NR1H3: variants seen among roughly 807,000 people sequenced by gnomAD.
NR1H3 encodes nuclear receptor subfamily 1 group H member 3, also known as oxysterols receptor LXR-alpha.
NR1H3 carries 19 observed loss-of-function variants against 48.1 expected under a neutral mutation model. The observed-to-expected ratio is 0.40, with a 90% CI of 0.28 to 0.58. The LOEUF (loss-of-function observed/expected upper bound fraction) is 0.58. Among genes scored for constraint, NR1H3 ranks in the 20% least tolerant of loss-of-function variants. The pLI is 0.50. For synonymous variants in NR1H3, 232 were observed against 227.3 expected (o/e 1.02, Z -0.19); for missense variants, 486 against 595.9 (o/e 0.82, Z 1.92).
At chr11:47,251,335 C>T (rs1954637018) in intron 1 of NR1H3, among the ~76,000 whole-genome samples, 1 of 151,580 alleles carries the variant, frequency 6.6e-6, no homozygotes, top group South Asian at 2.1e-4. Flanking sequence ...GGGACCTAGG[C>T]CGGACATGGC....
chr11:47,251,618 AAAAAT>A (rs768146630), intron 1 of NR1H3, among the ~76,000 whole-genome samples: 49 of 152,276 alleles, frequency 3.2e-4, no homozygotes, highest in Admixed American at 1.3e-3. Flanking sequence ...TCTCAAAAAA[AAAAAT>A]AAAATAAAGA....
chr11:47,248,778 C>T, upstream of NR1H3: 1 of 1,596,462 alleles, frequency 6.3e-7, no homozygotes, highest in Non-Finnish European at 8.5e-7. Context: ...AGCCGGACCG[C>T]TTGCCCGCCA....
upstream of NR1H3, among the ~76,000 whole-genome samples, chr11:47,255,549 CTTTCTT>C (rs1445162105): frequency 1.6e-4 from 9 of 54,918 alleles, no homozygotes; most frequent in East Asian, 5.7e-3. Flanking sequence ...CTTTTTCTTT[CTTTCTT>C]TCTTTCTTTC....
Position 47,260,598 on chromosome 11 carries a change from C to T in NR1H3, c.422C>T (p.Pro141Leu). ...HYICHSGGHC[P>L]MDTYMRRKCQ... ...ATCTGCCACAGTGGCGGCCACTGCC[C>T]CATGGACACCTACATGCGTCGCAAG... is the stretch of plus-strand genomic sequence containing the variant. The change falls in exon 4 of 10, where the codon CCC becomes CTC. Residue 141 changes from proline to leucine, a missense_variant. Coordinates refer to ENST00000441012, the MANE Select transcript of NR1H3 (RefSeq NM_005693.4). 1 of 1,613,808 alleles carries T rather than the reference C, an allele frequency of 6.2e-7. No homozygotes were observed. The highest frequency in any genetic ancestry group is 8.5e-7 in the Non-Finnish European group (1 of 1,180,014).
chr11:47,264,069 G>A (rs1456989539), intron 7 of NR1H3, among the ~76,000 whole-genome samples: 3 of 152,156 alleles, frequency 2.0e-5, no homozygotes, highest in Admixed American at 6.5e-5. Context: ...TCTGATGCTC[G>A]CTTGGGAGCT....
At chr11:47,257,583 G>T (rs1049281529), upstream of NR1H3, 5 of 908,052 alleles carry the variant, frequency 5.5e-6, no homozygotes, top group African/African-American at 5.4e-5. Flanking sequence ...TGGGAAAGCC[G>T]CTGGGGCTCA....
chr11:47,268,664 C>T lies in NR1H3; in HGVS notation c.1312C>T (p.Leu438=). The change falls in exon 10 of 10, where the codon CTG becomes TTG. Residue 438 remains leucine (L), a synonymous_variant. Coordinates refer to ENST00000441012, the MANE Select transcript of NR1H3 (RefSeq NM_005693.4). ...LRLQDKKLPP[L]LSEIWDVHE is the part of the protein sequence containing the mutation. Reference sequence around the variant, plus strand: ...TCTGCAGGACAAAAAGCTCCCACCGCTGCTCTCTGAGATCTGGGATGTGCA... The same window carrying T: ...TCTGCAGGACAAAAAGCTCCCACCGTTGCTCTCTGAGATCTGGGATGTGCA... 1 of 1,614,210 alleles carries T rather than the reference C, an allele frequency of 6.2e-7. No homozygotes were observed. Among genetic ancestry groups the T allele is most frequent in the Non-Finnish European group, 8.5e-7 (1 of 1,180,038 alleles).
chr11:47,268,161 A>T, intron 8 of NR1H3, 100 bp from the exon 9 acceptor site: 1 of 1,266,234 alleles, frequency 7.9e-7, no homozygotes, highest in South Asian at 1.2e-5. Context: ...TTAGGATGAG[A>T]GAGCTTGGCT....
chr11:47,268,080 C>A, intron 8 of NR1H3, 54 bp downstream of exon 8: 1 of 1,380,592 alleles, frequency 7.2e-7, no homozygotes, highest in Non-Finnish European at 1.0e-6. Context: ...AGGAGGGCTG[C>A]AGGTCCCACA....
At chr11:47,250,977 G>A (rs540232418) in intron 1 of NR1H3, among the ~76,000 whole-genome samples, 5 of 152,096 alleles carry the variant, frequency 3.3e-5, no homozygotes, top group Non-Finnish European at 5.9e-5. Flanking sequence ...GGCTAACATG[G>A]TGAAACCCCA....
At chr11:47,251,400 T>A (rs1254772964) in intron 1 of NR1H3, among the ~76,000 whole-genome samples, 1 of 151,822 alleles carries the variant, frequency 6.6e-6, no homozygotes, top group Non-Finnish European at 1.5e-5. Context: ...TCACCTGAGG[T>A]CAGCAGTTCA....
chr11:47,259,833 G>T lies in NR1H3; in HGVS notation c.86G>T (p.Ser29Ile). 1 of 1,612,454 alleles carries T rather than the reference G, an allele frequency of 6.2e-7. No homozygotes were observed. The highest frequency in any genetic ancestry group is 8.5e-7 in the Non-Finnish European group (1 of 1,179,958). ...ELWKPGAQDA[S>I]SQAQGGSSCI... ...TGGAAGCCAGGCGCACAGGATGCAA[G>T]CAGCCAGGCCCAGGGAGGCAGCAGC... The change falls in exon 3 of 10, where the codon AGC becomes ATC. Residue 29 changes from serine (S) to isoleucine (I), a missense_variant. Physicochemically the swap from Ser to Ile is moderately radical, Grantham distance 142. Coordinates refer to ENST00000441012, the MANE Select transcript of NR1H3 (RefSeq NM_005693.4).
chr11:47,266,765 C>T (rs939398385), intron 7 of NR1H3, among the ~76,000 whole-genome samples: 3 of 151,802 alleles, frequency 2.0e-5, no homozygotes, highest in African/African-American at 7.3e-5. Flanking sequence ...CCTCAGCCTC[C>T]TAAGTAGCTG....
upstream of NR1H3, among the ~76,000 whole-genome samples, chr11:47,256,086 A>C (rs1210617170): frequency 6.6e-6 from 1 of 150,864 alleles, no homozygotes; most frequent in East Asian, 2.0e-4. Flanking sequence ...TCAGTCTGTC[A>C]CCCAGGCTGG....
chr11:47,250,402 CTG>C lies in NR1H3; in HGVS notation c.-93+1407_-93+1408del, dbSNP rs1048771474. 62 of 152,144 alleles carry C rather than the reference CTG, an allele frequency of 4.1e-4. 1 individual carries two copies. Among genetic ancestry groups the C allele is most frequent in the African/African-American group, 1.4e-3 (59 of 41,490 alleles). 9.4% of individuals were successfully genotyped at this position (152,144 alleles called of 1,614,324 possible). A position where few individuals can be genotyped will look rare whatever the true frequency, so the allele number is the denominator to read the frequency against. On this transcript the variant is annotated intron_variant, in intron 1 of 8. Transcript: ENST00000395397. ...CTCCAGTCTAGATGACAGAGCAAGACTGTGTCTCAAAAAGAAGAAAAGAAAAA... is the reference window on the plus strand; with the variant it reads ...CTCCAGTCTAGATGACAGAGCAAGACTGTCTCAAAAAGAAGAAAAGAAAAA...
At chr11:47,264,221 A>G (rs1277978586) in intron 7 of NR1H3, among the ~76,000 whole-genome samples, 1 of 152,142 alleles carries the variant, frequency 6.6e-6, no homozygotes, top group Non-Finnish European at 1.5e-5. Context: ...TAACGACTGG[A>G]TGAGTGGGGC....
chr11:47,261,567 T>TC lies in NR1H3; in HGVS notation c.733dup (p.His245ProfsTer2), dbSNP rs1565192578. 1 of 1,614,128 alleles carries TC rather than the reference T, an allele frequency of 6.2e-7. No individual in the cohort carries two copies. The highest frequency in any genetic ancestry group is 1.1e-5 in the South Asian group (1 of 91,076). ...GGTAGCCTTGGCCCATGGCACCAGA[T>TC]CCCCATAGCCGGGAGGCCCGTCAGC... On this transcript the variant is annotated frameshift_variant, in exon 6 of 10. Coordinates refer to ENST00000441012, the MANE Select transcript of NR1H3 (RefSeq NM_005693.4). LOFTEE classifies it high-confidence loss of function.
upstream of NR1H3, among the ~76,000 whole-genome samples, chr11:47,253,134 C>CGTGTGTGCGTGTGTGTGTGTGTGT (rs1554980524): frequency 1.4e-5 from 2 of 147,654 alleles, no homozygotes; most frequent in African/African-American, 5.1e-5. Context: ...AATTTTTGTG[C>CGTGTGTGCGTGTGTGTGTGTGTGT]GTGTGTGTGT....
Position 47,268,893 on chromosome 11 carries a change from C to A in NR1H3, c.*197C>A. 1.6e-6 allele frequency: 1 copy of A among 641,404 alleles called. No homozygotes were observed. Among genetic ancestry groups the A allele is most frequent in the Non-Finnish European group, 2.6e-6 (1 of 381,006 alleles). 39.7% of individuals were successfully genotyped at this position (641,404 alleles called of 1,614,324 possible). On this transcript the variant is annotated 3_prime_UTR_variant, in exon 10 of 10. Coordinates refer to ENST00000441012, the MANE Select transcript of NR1H3 (RefSeq NM_005693.4). Reference sequence around the variant, plus strand: ...CAGTGGAGCCCTCGCTAACACTGTGCTGTGTCTGAAGATCATGCTGACCCC... The same window carrying A: ...CAGTGGAGCCCTCGCTAACACTGTGATGTGTCTGAAGATCATGCTGACCCC...
Sources: allele counts gnomAD v4.1 joint callset (sites outside exome capture counted in the v4.1 genomes callset), GRCh38; gene constraint gnomAD v4.1.1; transcripts MANE v1.5; gene names NCBI Gene and HGNC (gene_info 2026-07-23, HGNC 2026-07-21).